The following ABR variants were observed in gnomAD, a reference collection of about 807,000 sequenced individuals.
The protein encoded by ABR is ABR activator of RhoGEF and GTPase.
A neutral mutation model predicts 107.2 loss-of-function variants in ABR; 35 were observed. That is an observed-to-expected ratio of 0.33 (90% CI 0.25 to 0.43). ABR has a LOEUF of 0.43. Among genes scored for constraint, ABR ranks in the 20% least tolerant of loss-of-function variants. The pLI, the probability that ABR is intolerant of heterozygous loss-of-function variation, is 1.00. For missense variants in ABR, 815 were observed against 1,115.2 expected, an observed-to-expected ratio of 0.73 and a Z score of 3.83; for synonymous variants, 498 against 462.0, an observed-to-expected ratio of 1.08 and a Z score of -1.00.
intron 1 of ABR, among the ~76,000 whole-genome samples, chr17:1,206,217 C>T (rs1379734480): frequency 2.0e-5 from 3 of 152,180 alleles, no homozygotes; most frequent in South Asian, 4.1e-4. Context: ...TGACCACTGA[C>T]GTCACATCAC....
At chr17:1,206,320 C>A (rs2042788127) in intron 1 of ABR, among the ~76,000 whole-genome samples, 1 of 152,200 alleles carries the variant, frequency 6.6e-6, no homozygotes, top group South Asian at 2.1e-4. Flanking sequence ...CCCCTTAGAT[C>A]ACACAGGGTT....
chr17:1,011,083 G>T lies in ABR; in HGVS notation c.2102-220C>A. ...AGCCTGGGGGCCATCTGCTGTGGCT[G>T]CTTGGGAAAGGGTGTTTGGGGAGTG... On this transcript the variant is annotated intron_variant, in intron 19 of 22. Transcript: ENST00000302538. The surrounding 1 kb of genome is among the most constrained non-coding windows in gnomAD (Gnocchi z 4.8). The T allele has an allele frequency of 1.7e-6, 1 of 579,406 alleles. No individual in the cohort carries two copies. The highest frequency in any genetic ancestry group is 3.1e-6 in the Non-Finnish European group (1 of 327,096). 35.9% of individuals were successfully genotyped at this position (579,406 alleles called of 1,614,324 possible).
intron 1 of ABR, among the ~76,000 whole-genome samples, chr17:1,205,224 G>A (rs865913054): frequency 3.3e-5 from 5 of 152,062 alleles, no homozygotes; most frequent in Admixed American, 1.3e-4. Context: ...TTAAGAGACT[G>A]TAATGAGCTC....
intron 11 of ABR, 103 bp downstream of exon 11, chr17:1,058,642 G>C (rs189475445): frequency 2.8e-6 from 4 of 1,439,414 alleles, no homozygotes; most frequent in Non-Finnish European, 3.7e-6. Flanking sequence ...AGGAAGAGGG[G>C]GCCTGAGTTT....
At chr17:1,056,192 G>A (rs1341140997) in intron 13 of ABR, 83 bp from the exon 14 acceptor site, 5 of 1,224,504 alleles carry the variant, frequency 4.1e-6, no homozygotes, top group African/African-American at 3.0e-5. Flanking sequence ...GAGGCAGACG[G>A]GGTATGAGAC....
intron 1 of ABR, among the ~76,000 whole-genome samples, chr17:1,199,387 G>A (rs1347556971): frequency 2.0e-5 from 3 of 150,920 alleles, no homozygotes; most frequent in African/African-American, 7.4e-5. Context: ...AAACATACAG[G>A]CTGTTGGGGT....
intron 14 of ABR, chr17:1,055,200 G>A (rs1378377219): frequency 1.3e-5 from 2 of 152,064 alleles, no homozygotes; most frequent in Non-Finnish European, 2.9e-5. Flanking sequence ...GGGAGAACCT[G>A]TCTCTAAAAA....
intron 1 of ABR, among the ~76,000 whole-genome samples, chr17:1,140,677 G>A (rs1313309455): frequency 6.6e-6 from 1 of 151,350 alleles, no homozygotes; most frequent in Non-Finnish European, 1.5e-5. Flanking sequence ...CCGCCTCCCA[G>A]GTTCAAGCAA....
chr17:1,189,726 G>C (rs562713768), upstream of ABR, among the ~76,000 whole-genome samples: 1 of 152,002 alleles, frequency 6.6e-6, no homozygotes, highest in African/African-American at 2.4e-5. Context: ...GAGCTTTCCC[G>C]ACCCACCAGA....
intron 20 of ABR, 184 bp from the exon 21 acceptor site, chr17:1,009,968 C>A: frequency 1.6e-6 from 1 of 608,112 alleles, no homozygotes; most frequent in Non-Finnish European, 2.9e-6. Flanking sequence ...TCCAGGAGGC[C>A]CCACCACGAC....
intron 2 of ABR, among the ~76,000 whole-genome samples, chr17:1,102,042 T>C (rs2037934895): frequency 1.3e-5 from 2 of 152,078 alleles, no homozygotes; most frequent in African/African-American, 4.8e-5. Flanking sequence ...CGGAAAGACA[T>C]TTAAAAAACA....
intron 1 of ABR, among the ~76,000 whole-genome samples, chr17:1,172,959 ATCACCTCAGCCCACCCAACAC>A (rs1567857302): frequency 7.2e-5 from 5 of 69,910 alleles, no homozygotes; most frequent in Non-Finnish European, 1.9e-4. Context: ...CACCCCCCCC[ATCACCTCAGCCCACCCAACAC>A]ATCACCTCAG....
chr17:1,148,058 C>T lies in ABR; in HGVS notation c.62-22691G>A, dbSNP rs1465005801. On this transcript the variant is annotated intron_variant, in intron 1 of 22. Coordinates refer to ENST00000302538, the MANE Select transcript of ABR (RefSeq NM_021962.5). The surrounding 1 kb of genome is among the most constrained non-coding windows in gnomAD (Gnocchi z 4.9). ...ACCCACCCACTCTCCCCAGGCTGGT[C>T]AATGGGCCCACCCCACGGTAAGCTT... Among the ~76,000 whole-genome samples, 1 of 152,192 alleles carries T rather than the reference C, an allele frequency of 6.6e-6. No homozygotes were observed. The highest frequency in any genetic ancestry group is 1.5e-5 in the Non-Finnish European group (1 of 68,028).
At position 1,078,285 on chromosome 17, in the gene ABR, T is replaced by A. The variant is rs1178425450; in HGVS notation, c.700+1045A>T. On this transcript the variant is annotated intron_variant, in intron 6 of 22. Coordinates refer to ENST00000302538, the MANE Select transcript of ABR (RefSeq NM_021962.5). This position sits in a 1 kb window ranked among gnomAD's most constrained non-coding sequence, Gnocchi z 7.5. ...CAGCCCCTCCGTGTCCTCCGCCTAC[T>A]GCTGCATGTGCGCGGAGCACACAAT... Among the ~76,000 whole-genome samples the A allele has an allele frequency of 1.3e-5, 2 of 152,244 alleles. No individual in the cohort carries two copies. The highest frequency in any genetic ancestry group is 3.9e-4 in the East Asian group (2 of 5,152).
intron 17 of ABR, 128 bp downstream of exon 17, chr17:1,012,977 G>A (rs1031706999): frequency 1.6e-5 from 19 of 1,209,618 alleles, no homozygotes; most frequent in Non-Finnish European, 2.0e-5. Flanking sequence ...GGGAGAGGGG[G>A]CTGGGCTGCG....
chr17:1,045,254 C>T (rs1478757566), intron 16 of ABR, among the ~76,000 whole-genome samples: 1 of 152,242 alleles, frequency 6.6e-6, no homozygotes, highest in Non-Finnish European at 1.5e-5. Context: ...CGTTCCACCT[C>T]CTCCTTGAAG....
intron 16 of ABR, among the ~76,000 whole-genome samples, chr17:1,049,231 G>A (rs148756057): frequency 1.3e-5 from 2 of 151,922 alleles, no homozygotes; most frequent in African/African-American, 2.4e-5. Context: ...ACCCAGGCGC[G>A]ATCTCAGCTC....
At chr17:1,146,862 C>T (rs62069431) in intron 1 of ABR, among the ~76,000 whole-genome samples, 6 of 111,966 alleles carry the variant, frequency 5.4e-5, no homozygotes, top group East Asian at 2.5e-4. Flanking sequence ...ACTGCCACCA[C>T]TGCCACCATT....
chr17:1,045,716 C>T (rs1044556510), intron 16 of ABR, among the ~76,000 whole-genome samples: 4 of 152,216 alleles, frequency 2.6e-5, no homozygotes, highest in African/African-American at 9.7e-5. Flanking sequence ...TATGTGTGTA[C>T]GGCTATTGTG....
Sources: allele counts gnomAD v4.1 joint callset (sites outside exome capture counted in the v4.1 genomes callset), GRCh38; gene constraint gnomAD v4.1.1; non-coding constraint Gnocchi (gnomAD v3.1); transcripts MANE v1.5; gene names NCBI Gene and HGNC (gene_info 2026-07-23, HGNC 2026-07-21).